The following FOXP1 variants were observed in gnomAD, a reference collection of about 807,000 sequenced individuals.
FOXP1 encodes forkhead box P1.
In FOXP1, 15 loss-of-function variants were observed where a neutral mutation model predicts 98.2. The ratio of observed to expected loss-of-function variants is 0.15; its 90% confidence interval spans 0.10 to 0.24. The LOEUF is 0.24. Among genes scored for constraint, FOXP1 ranks in the 10% least tolerant of loss-of-function variants. The pLI is 1.00. For synonymous variants in FOXP1, 371 were observed against 314.5 expected (o/e 1.18, Z -1.90); for missense variants, 633 against 848.5 (o/e 0.75, Z 3.15).
intron 4 of FOXP1, among the ~76,000 whole-genome samples, chr3:71,331,953 C>A (rs1323415790): frequency 6.6e-6 from 1 of 152,148 alleles, no homozygotes; most frequent in Non-Finnish European, 1.5e-5. Context: ...AGCACCCTGT[C>A]AACATGGACC....
intron 3 of FOXP1, among the ~76,000 whole-genome samples, chr3:71,395,958 C>T (rs2081348138): frequency 6.6e-6 from 1 of 151,880 alleles, no homozygotes; most frequent in African/African-American, 2.4e-5. Context: ...AATGATATAT[C>T]GAATAAGAGG....
intron 3 of FOXP1, among the ~76,000 whole-genome samples, chr3:71,453,065 T>C (rs2087119550): frequency 6.6e-6 from 1 of 152,200 alleles, no homozygotes; most frequent in Admixed American, 6.5e-5. Flanking sequence ...TTAAATTAAC[T>C]GTGTGGCTGC....
intron 5 of FOXP1, among the ~76,000 whole-genome samples, chr3:71,270,646 T>C (rs892277942): frequency 1.3e-5 from 2 of 152,198 alleles, no homozygotes; most frequent in African/African-American, 4.8e-5. Flanking sequence ...TCCTGTAACC[T>C]GGTCTTAGCA....
intron 3 of FOXP1, among the ~76,000 whole-genome samples, chr3:71,421,368 A>G (rs2083633391): frequency 6.6e-6 from 1 of 152,212 alleles, no homozygotes; most frequent in Non-Finnish European, 1.5e-5. Flanking sequence ...CCTGTTCGTA[A>G]TTTCAGAAAA....
At chr3:70,970,951 C>A in intron 18 of FOXP1, 146 bp from the exon 19 acceptor site, 4 of 697,176 alleles carry the variant, frequency 5.7e-6, no homozygotes, top group East Asian at 2.7e-5. Flanking sequence ...GCTTTCTCCC[C>A]GTCACTGATT....
chr3:71,407,353 C>A (rs1332160433), intron 3 of FOXP1, among the ~76,000 whole-genome samples: 1 of 152,092 alleles, frequency 6.6e-6, no homozygotes, highest in Admixed American at 6.5e-5. Context: ...TGCTTCTAAT[C>A]CTTAAAAAGA....
At position 70,958,121 on chromosome 3, in the gene FOXP1, CTTT is replaced by C. The variant is rs199626546; in HGVS notation, c.*1123_*1125del. 8.5e-4 allele frequency: 229 copies of C among 268,006 alleles called. No individual in the cohort carries two copies. Among genetic ancestry groups the C allele is most frequent in the South Asian group, 2.3e-3 (40 of 17,324 alleles). 16.6% of individuals were successfully genotyped at this position (268,006 alleles called of 1,614,324 possible). ...ATATTGTCAGTCTAATTAATATGAGCTTTTTTTTTTTTTTCAGTGCTGCCTATG... is the reference window on the plus strand; with the variant it reads ...ATATTGTCAGTCTAATTAATATGAGCTTTTTTTTTTTCAGTGCTGCCTATG... On this transcript the variant is annotated 3_prime_UTR_variant, in exon 21 of 21. Transcript: ENST00000649528.
At position 71,102,165 on chromosome 3, in the gene FOXP1, C is replaced by T. The variant is rs533916806; in HGVS notation, c.282+10371G>A. On this transcript the variant is annotated intron_variant, in intron 7 of 20. Coordinates refer to ENST00000649528, the MANE Select transcript of FOXP1 (RefSeq NM_001349338.3). ...TATGTTCTCTTTAAAATTTTGAGAG[C>T]GACTAAATATGACAACCATCTGATG... is the stretch of plus-strand genomic sequence containing the variant. Among the ~76,000 whole-genome samples the T allele has an allele frequency of 9.2e-5, 14 of 152,124 alleles. No individual in the cohort carries two copies. In the East Asian group the frequency reaches 1.9e-3, roughly 21 times the overall value.
intron 4 of FOXP1, among the ~76,000 whole-genome samples, chr3:71,344,191 T>G (rs1577061037): frequency 1.3e-5 from 2 of 152,264 alleles, no homozygotes; most frequent in East Asian, 3.9e-4. Flanking sequence ...CACAGCTACG[T>G]TTTAGGGATA....
intron 3 of FOXP1, among the ~76,000 whole-genome samples, chr3:71,381,330 TTAG>T (rs1297736831): frequency 1.3e-5 from 2 of 152,224 alleles, no homozygotes; most frequent in Middle Eastern, 3.4e-3. Flanking sequence ...TTTTGCATTT[TTAG>T]TAGAGACGGG....
At chr3:71,174,405 G>A (rs758444518) in intron 6 of FOXP1, among the ~76,000 whole-genome samples, 1 of 152,008 alleles carries the variant, frequency 6.6e-6, no homozygotes, top group Non-Finnish European at 1.5e-5. Flanking sequence ...TGGGCAACAC[G>A]GCAAGATCCT....
chr3:71,375,288 AT>A (rs944109278), intron 3 of FOXP1, among the ~76,000 whole-genome samples: 3 of 152,214 alleles, frequency 2.0e-5, no homozygotes, highest in African/African-American at 7.2e-5. Context: ...AACCCAAGGG[AT>A]TCCTCTCTTA....
At position 71,512,915 on chromosome 3, in the gene FOXP1, A is replaced by AAC. The variant is rs563091988; in HGVS notation, c.-297-19362_-297-19361dup. The stretch of plus-strand genomic sequence containing the variant: ...CCCTACGGCTCAAGCACCAATGCCT[A>AAC]ACACCAAGGAAACGTCACCCTCAAG... On this transcript the variant is annotated intron_variant, in intron 2 of 20. Transcript: ENST00000649528. 7.6e-4 allele frequency among the ~76,000 whole-genome samples: 115 copies of AAC among 152,296 alleles called. 1 individual carries two copies. The highest frequency in any genetic ancestry group is 2.6e-3 in the African/African-American group (108 of 41,566).
At chr3:71,198,432 G>GGGGGGGGCCCCCCCCCCCCCC in intron 5 of FOXP1, 40 bp from the exon 6 acceptor site, 1 of 491,034 alleles carries the variant, frequency 2.0e-6, no homozygotes, top group Non-Finnish European at 4.0e-6. Context: ...GGGAGGGGGG[G>GGGGGGGGCCCCCCCCCCCCCC]AGAAAAAAAA....
chr3:71,127,205 GA>G (rs773144939), intron 6 of FOXP1, among the ~76,000 whole-genome samples: 44 of 152,128 alleles, frequency 2.9e-4, no homozygotes, highest in Non-Finnish European at 5.7e-4. Flanking sequence ...CGGCACTCCA[GA>G]ATTGAAGAAT....
chr3:71,082,154 C>T (rs1288737448), intron 7 of FOXP1, among the ~76,000 whole-genome samples: 2 of 152,080 alleles, frequency 1.3e-5, no homozygotes, highest in African/African-American at 4.8e-5. Flanking sequence ...TGGCGCACGC[C>T]TGTAATCCCA....
chr3:71,258,325 AG>A (rs1444513471), intron 5 of FOXP1, among the ~76,000 whole-genome samples: 5 of 152,272 alleles, frequency 3.3e-5, no homozygotes, highest in Non-Finnish European at 7.4e-5. Context: ...GTAGGAGAGG[AG>A]GAAAAAAAAG....
At position 71,524,709 on chromosome 3, in the gene FOXP1, G is replaced by A. The variant is rs952032013; in HGVS notation, c.-297-31154C>T. ...ACAATTTTCAAATTGTTCATGTTCCGCTACAAAGCAACGACTATTAACAAT... is the reference window on the plus strand; with the variant it reads ...ACAATTTTCAAATTGTTCATGTTCCACTACAAAGCAACGACTATTAACAAT... On this transcript the variant is annotated intron_variant, in intron 2 of 20. Transcript: ENST00000649528. 4.6e-5 allele frequency among the ~76,000 whole-genome samples: 7 copies of A among 152,114 alleles called. No individual in the cohort carries two copies. In the South Asian group the frequency reaches 8.3e-4, roughly 18 times the overall value.
intron 3 of FOXP1, among the ~76,000 whole-genome samples, chr3:71,462,317 G>T (rs547376708): frequency 6.6e-6 from 1 of 152,296 alleles, no homozygotes; most frequent in Non-Finnish European, 1.5e-5. Context: ...GAGTCATGCA[G>T]TTGGAATCTG....
Sources: gnomAD v4.1 joint callset for allele counts (sites outside exome capture counted in the v4.1 genomes callset) on GRCh38, gnomAD v4.1.1 for gene constraint, MANE v1.5 for transcripts, NCBI Gene and HGNC (gene_info 2026-07-23, HGNC 2026-07-21) for gene names.